ANO2: variants seen among roughly 807,000 people sequenced by gnomAD.
The protein encoded by ANO2 is anoctamin-2.
A neutral mutation model predicts 124.2 loss-of-function variants in ANO2; 101 were observed. The ratio of observed to expected loss-of-function variants is 0.81; its 90% CI spans 0.69 to 0.96. The LOEUF is 0.96. Among genes scored for constraint, ANO2 ranks in the 40% least tolerant of loss-of-function variants. The pLI, the probability that ANO2 is intolerant of heterozygous loss-of-function variation, is 0.00. For synonymous variants in ANO2, 486 were observed against 482.5 expected (o/e 1.01, Z -0.09); for missense variants, 1,293 against 1,274.5 (o/e 1.01, Z -0.22).
chr12:5,596,039 A>T (rs1943642749), intron 20 of ANO2, among the ~76,000 whole-genome samples: 1 of 152,250 alleles, frequency 6.6e-6, no homozygotes, highest in African/African-American at 2.4e-5. Context: ...GAATGACCAT[A>T]CCTAATCACA....
chr12:5,641,314 G>A (rs573596915), intron 15 of ANO2, among the ~76,000 whole-genome samples: 1 of 152,230 alleles, frequency 6.6e-6, no homozygotes, highest in South Asian at 2.1e-4. Context: ...CATGGCACAT[G>A]TATACCTAGG....
At chr12:5,695,931 A>G (rs1342290739) in intron 14 of ANO2, among the ~76,000 whole-genome samples, 1 of 152,190 alleles carries the variant, frequency 6.6e-6, no homozygotes, top group Non-Finnish European at 1.5e-5. Flanking sequence ...CTTTTTGACT[A>G]TTTTGCTCAC....
intron 3 of ANO2, among the ~76,000 whole-genome samples, chr12:5,886,026 G>A (rs897871986): frequency 3.3e-5 from 5 of 152,136 alleles, no homozygotes; most frequent in African/African-American, 7.2e-5. Context: ...AAAGGAATCC[G>A]AATAGAGTCC....
rs186913585 is a variant in ANO2 at position 5,691,078 on chromosome 12, C to T, written c.1545+41442G>A. Among the ~76,000 whole-genome samples the T allele has an allele frequency of 8.7e-3, 1,321 of 152,002 alleles. 12 individuals carry two copies. Among genetic ancestry groups the T allele is most frequent in the Admixed American group, 0.014 (219 of 15,282 alleles). On this transcript the variant is annotated intron_variant, in intron 14 of 24. Transcript: ENST00000682330. The stretch of plus-strand genomic sequence containing the variant: ...GGTGCGGTGGCTCACGCCTGTAATC[C>T]CAGCACTTTGGGAGGCTGAGGCAGG...
At chr12:5,753,306 T>A (rs537296200) in intron 10 of ANO2, among the ~76,000 whole-genome samples, 13 of 152,136 alleles carry the variant, frequency 8.5e-5, no homozygotes, top group Admixed American at 8.5e-4. Context: ...CAGGAGAAAA[T>A]GAGCAGGTAG....
rs139337685 is a variant in ANO2 at position 5,780,802 on chromosome 12, T to C, written c.1055+18705A>G. Among the ~76,000 whole-genome samples, 5 of 152,276 alleles carry C rather than the reference T, an allele frequency of 3.3e-5. No individual in the cohort carries two copies. In the East Asian group the frequency reaches 7.7e-4, roughly 24 times the overall value. ...GAAGGGCAGGCCGTGGGGCTGTGTATATTTTGAAGGAGGCCCTGAATACAA... is the reference window on the plus strand; with the variant it reads ...GAAGGGCAGGCCGTGGGGCTGTGTACATTTTGAAGGAGGCCCTGAATACAA... On this transcript the variant is annotated intron_variant, in intron 10 of 24. Transcript: ENST00000682330.
At chr12:5,704,252 C>A (rs542574596) in intron 14 of ANO2, among the ~76,000 whole-genome samples, 1 of 152,156 alleles carries the variant, frequency 6.6e-6, no homozygotes, top group South Asian at 2.1e-4. Flanking sequence ...ACGACTCCTG[C>A]ATTATGAAGG....
At chr12:5,777,557 T>C (rs1217066173) in intron 10 of ANO2, among the ~76,000 whole-genome samples, 1 of 152,132 alleles carries the variant, frequency 6.6e-6, no homozygotes, top group Non-Finnish European at 1.5e-5. Flanking sequence ...TTCCCAGCAA[T>C]GCTTTCTTAT....
intron 9 of ANO2, among the ~76,000 whole-genome samples, chr12:5,802,221 G>C (rs1182751285): frequency 6.6e-6 from 1 of 152,202 alleles, no homozygotes; most frequent in Non-Finnish European, 1.5e-5. Context: ...GAGACTTCCA[G>C]AAAGTCCCTC....
intron 4 of ANO2, among the ~76,000 whole-genome samples, chr12:5,845,566 C>CAAAAAAAAAAAAAAAAAAAAACAAAAAAA (rs11354500): frequency 9.9e-6 from 1 of 101,426 alleles, no homozygotes; most frequent in Non-Finnish European, 2.1e-5. Flanking sequence ...GACTACATCT[C>CAAAAAAAAAAAAAAAAAAAAACAAAAAAA]AAAAAAAAAA....
intron 3 of ANO2, among the ~76,000 whole-genome samples, chr12:5,895,005 T>C (rs902240613): frequency 6.6e-6 from 1 of 152,194 alleles, no homozygotes; most frequent in Admixed American, 6.5e-5. Context: ...AAATTTAAAG[T>C]AGTTTTTTCT....
intron 10 of ANO2, among the ~76,000 whole-genome samples, chr12:5,789,618 T>C (rs1952640396): frequency 6.6e-6 from 1 of 152,202 alleles, no homozygotes; most frequent in South Asian, 2.1e-4. Context: ...TCAACATCTT[T>C]GAATACCTTG....
intron 1 of ANO2, among the ~76,000 whole-genome samples, chr12:5,943,583 A>G (rs1942981187): frequency 6.6e-6 from 1 of 152,156 alleles, no homozygotes; most frequent in Admixed American, 6.5e-5. Context: ...GTGAGGAGGC[A>G]CTAAAATCTC....
intron 14 of ANO2, among the ~76,000 whole-genome samples, chr12:5,692,158 A>G (rs1948972228): frequency 6.6e-6 from 1 of 152,180 alleles, no homozygotes; most frequent in Non-Finnish European, 1.5e-5. Context: ...CCTGGCAAGA[A>G]CTGCTGGGGA....
chr12:5,584,102 TC>T, intron 20 of ANO2: 1 of 221,200 alleles, frequency 4.5e-6, no homozygotes, highest in Admixed American at 4.9e-5. Context: ...TTCTCTTGGC[TC>T]CCTGTGTCAT....
intron 5 of ANO2, 138 bp from the exon 6 acceptor site, chr12:5,830,627 G>T: frequency 1.7e-6 from 1 of 572,604 alleles, no homozygotes; most frequent in Non-Finnish European, 3.0e-6. Context: ...CGATGTTTAT[G>T]CCCTTCTTGA....
chr12:5,671,099 G>C (rs1947977193), intron 14 of ANO2, among the ~76,000 whole-genome samples: 1 of 152,200 alleles, frequency 6.6e-6, no homozygotes, highest in Admixed American at 6.5e-5. Context: ...CCTCAAGGTA[G>C]AGGTTTGTGT....
chr12:5,737,039 C>T (rs1410204221), intron 13 of ANO2, among the ~76,000 whole-genome samples: 1 of 152,244 alleles, frequency 6.6e-6, no homozygotes, highest in Non-Finnish European at 1.5e-5. Context: ...TCAGACACTA[C>T]ACCTGAGATA....
intron 3 of ANO2, among the ~76,000 whole-genome samples, chr12:5,882,336 G>C (rs1046681794): frequency 6.6e-6 from 1 of 152,216 alleles, no homozygotes; most frequent in African/African-American, 2.4e-5. Context: ...ATGAGAAACA[G>C]TTTGGAGTTA....
Sources: allele counts gnomAD v4.1 joint callset (sites outside exome capture counted in the v4.1 genomes callset), GRCh38; gene constraint gnomAD v4.1.1; transcripts MANE v1.5; gene names NCBI Gene and HGNC (gene_info 2026-07-23, HGNC 2026-07-21).